The following CACNA2D3 variants were observed in gnomAD, a reference collection of about 807,000 sequenced individuals.
CACNA2D3 encodes the protein calcium voltage-gated channel auxiliary subunit alpha2delta 3.
Under a neutral mutation model 160.6 loss-of-function variants are expected in CACNA2D3, and 60 were observed. The ratio of observed to expected loss-of-function variants is 0.37; its 90% CI spans 0.30 to 0.46. CACNA2D3 has a LOEUF of 0.46. Among genes scored for constraint, CACNA2D3 ranks in the 20% least tolerant of loss-of-function variants. The probability of loss-of-function intolerance (pLI) is 1.00; values close to 1 mark genes in which losing one functional copy is unlikely to be tolerated. For missense variants in CACNA2D3, 1,205 were observed against 1,365.0 expected (o/e 0.88, Z 1.85); for synonymous variants, 558 against 492.9 (o/e 1.13, Z -1.75).
chr3:54,528,655 C>T (rs1219693729), intron 5 of CACNA2D3, among the ~76,000 whole-genome samples: 6 of 152,248 alleles, frequency 3.9e-5, no homozygotes, highest in Admixed American at 6.5e-5. Context: ...GGCAAACACA[C>T]GTTTTTTTAT....
intron 18 of CACNA2D3, among the ~76,000 whole-genome samples, chr3:54,873,858 A>G (rs1374289535): frequency 3.3e-5 from 5 of 152,212 alleles, no homozygotes; most frequent in African/African-American, 9.6e-5. Flanking sequence ...GGGGATTTGC[A>G]TGTCACTAAT....
chr3:54,817,840 G>C (rs999610166), intron 14 of CACNA2D3, among the ~76,000 whole-genome samples: 4 of 152,228 alleles, frequency 2.6e-5, no homozygotes, highest in African/African-American at 9.6e-5. Context: ...AGGCATGCTA[G>C]TGTGTGACTT....
intron 5 of CACNA2D3, among the ~76,000 whole-genome samples, chr3:54,513,712 ACT>A (rs1701495990): frequency 6.6e-6 from 1 of 151,776 alleles, no homozygotes; most frequent in South Asian, 2.1e-4. Context: ...ATGGAGTATC[ACT>A]CTGTCACCCA....
chr3:54,837,080 C>A, intron 14 of CACNA2D3, 79 bp from the exon 15 acceptor site: 1 of 1,233,570 alleles, frequency 8.1e-7, no homozygotes, highest in Non-Finnish European at 1.2e-6. Context: ...TTGGAAAGGA[C>A]ATGATTGTCA....
chr3:54,634,700 G>C (rs533380182), intron 10 of CACNA2D3: 26 of 152,430 alleles, frequency 1.7e-4, no homozygotes, highest in African/African-American at 6.0e-4. Context: ...AAGGTGCTCA[G>C]TGGGGGTGCT....
At chr3:54,272,080 T>C (rs960911815) in intron 2 of CACNA2D3, among the ~76,000 whole-genome samples, 10 of 152,138 alleles carry the variant, frequency 6.6e-5, no homozygotes, top group African/African-American at 2.4e-4. Flanking sequence ...GTCTCTTAAG[T>C]GCTGGGTCTG....
intron 10 of CACNA2D3, among the ~76,000 whole-genome samples, chr3:54,629,402 T>C (rs1297086182): frequency 1.3e-5 from 2 of 152,130 alleles, no homozygotes; most frequent in Non-Finnish European, 2.9e-5. Flanking sequence ...ATTTCCAGAC[T>C]CTCTTTTACC....
chr3:54,409,796 A>G lies in CACNA2D3; in HGVS notation c.381+23022A>G, dbSNP rs185928194. Among the ~76,000 whole-genome samples the G allele has an allele frequency of 1.8e-3, 276 of 152,346 alleles. 6 individuals are homozygous for G. The highest frequency in any genetic ancestry group is 0.018 in the Admixed American group (269 of 15,302). On this transcript the variant is annotated intron_variant, in intron 4 of 37. Coordinates refer to ENST00000474759, the MANE Select transcript of CACNA2D3 (RefSeq NM_018398.3). ...CAAGGCCCTTACTCTTTTCAGTTCT[A>G]TGAAGGCTGAGAGAAGTGAGAAAGC... is the stretch of plus-strand genomic sequence containing the variant.
chr3:54,417,556 A>C (rs1044215814), intron 4 of CACNA2D3, among the ~76,000 whole-genome samples: 1 of 152,162 alleles, frequency 6.6e-6, no homozygotes, highest in African/African-American at 2.4e-5. Context: ...TTCTTTTAGG[A>C]AATCTAGCAA....
intron 3 of CACNA2D3, among the ~76,000 whole-genome samples, chr3:54,338,467 C>CTGTGTG (rs71074965): frequency 0.032 from 4,322 of 136,474 alleles, 170 homozygotes; most frequent in African/African-American, 0.084. Flanking sequence ...TCTCCCCTCC[C>CTGTGTG]TGTGTGTGTG....
chr3:54,207,957 C>G (rs567117941), intron 2 of CACNA2D3, among the ~76,000 whole-genome samples: 64 of 152,312 alleles, frequency 4.2e-4, no homozygotes, highest in African/African-American at 1.5e-3. Flanking sequence ...ACATCCCCTG[C>G]CACTCGAGTC....
intron 9 of CACNA2D3, among the ~76,000 whole-genome samples, chr3:54,606,789 C>T (rs1168352312): frequency 6.6e-6 from 1 of 152,252 alleles, no homozygotes; most frequent in African/African-American, 2.4e-5. Flanking sequence ...CCTGAAGGCT[C>T]TACTTCTTTT....
chr3:54,122,601 G>A lies in CACNA2D3; in HGVS notation c.-113G>A, dbSNP rs1212025915. On this transcript the variant is annotated 5_prime_UTR_variant, in exon 1 of 38. Transcript: ENST00000474759. ...AGCCGGGCGCGCGAGAGGCAGGCGG[G>A]GCGGCGCGGAGCGGAGCAGGCAGCC... 11 of 604,296 alleles carry A rather than the reference G, an allele frequency of 1.8e-5. No individual in the cohort carries two copies. In the African/African-American group the frequency reaches 2.3e-4, roughly 12 times the overall value. The allele number at this position is 604,296 out of a possible 1,614,324, so 37.4% of individuals were successfully genotyped here.
intron 2 of CACNA2D3, among the ~76,000 whole-genome samples, chr3:54,141,061 C>CTGTGTGTGTGTGTATG (rs1699917163): frequency 7.7e-6 from 1 of 129,480 alleles, no homozygotes; most frequent in Admixed American, 7.5e-5. Context: ...CAGGTGAAAC[C>CTGTGTGTGTGTGTATG]TGTGTGTGTG....
At chr3:54,820,740 G>A (rs781742266) in intron 14 of CACNA2D3, among the ~76,000 whole-genome samples, 79 of 152,088 alleles carry the variant, frequency 5.2e-4, no homozygotes, top group Non-Finnish European at 6.9e-4. Flanking sequence ...GTGTAAGAAA[G>A]GTCTGCTTTT....
chr3:54,501,235 G>T (rs930812153), intron 4 of CACNA2D3, among the ~76,000 whole-genome samples: 1 of 152,106 alleles, frequency 6.6e-6, no homozygotes, highest in African/African-American at 2.4e-5. Context: ...TCATAGCACA[G>T]AGTATTCCAC....
At chr3:54,154,530 T>TC (rs35365297) in intron 2 of CACNA2D3, among the ~76,000 whole-genome samples, 38,572 of 151,616 alleles carry the variant, frequency 0.25, 5,049 homozygotes, top group East Asian at 0.34. Flanking sequence ...TTACTCTTTT[T>TC]CCCCCCCGAA....
intron 35 of CACNA2D3, among the ~76,000 whole-genome samples, chr3:55,041,975 T>G (rs1052287309): frequency 6.6e-6 from 1 of 152,190 alleles, no homozygotes; most frequent in African/African-American, 2.4e-5. Flanking sequence ...TACCTTAATA[T>G]GTTTTATTCC....
chr3:54,517,798 A>G (rs111863108), intron 5 of CACNA2D3, among the ~76,000 whole-genome samples: 1 of 151,798 alleles, frequency 6.6e-6, no homozygotes, highest in East Asian at 1.9e-4. Flanking sequence ...TGTTGCTCCA[A>G]CCCTGCCTCC....
Sources: gnomAD v4.1 joint callset for allele counts (sites outside exome capture counted in the v4.1 genomes callset) on GRCh38, gnomAD v4.1.1 for gene constraint, MANE v1.5 for transcripts, NCBI Gene and HGNC (gene_info 2026-07-23, HGNC 2026-07-21) for gene names.